DCAF6: variants seen among roughly 807,000 people sequenced by gnomAD.
The protein encoded by DCAF6 is DDB1- and CUL4-associated factor 6.
Under a neutral mutation model 125.1 loss-of-function variants are expected in DCAF6, and 54 were observed. The ratio of observed to expected loss-of-function variants is 0.43; its 90% CI spans 0.35 to 0.54. The LOEUF (loss-of-function observed/expected upper bound fraction) is 0.54, where lower values mean the gene tolerates loss of function less well. DCAF6 is among the 20% of genes least tolerant of loss of function. The pLI, the probability that DCAF6 is intolerant of heterozygous loss-of-function variation, is 0.01. For synonymous variants in DCAF6, 371 were observed against 390.4 expected (o/e 0.95, Z 0.58); for missense variants, 934 against 1,161.7 (o/e 0.80, Z 2.85).
At position 167,987,219 on chromosome 1, in the gene DCAF6, T is replaced by G. The variant is rs111359998; in HGVS notation, c.439-276T>G. ...CTAGGGGAGAATCATTCTTCCCTAG[T>G]TGTTAGAAGTTTATAACTTCAGATA... On this transcript the variant is annotated intron_variant, in intron 4 of 21. Transcript: ENST00000367840. 7.3e-3 allele frequency among the ~76,000 whole-genome samples: 1,105 copies of G among 152,266 alleles called. 44 individuals are homozygous for G. The highest frequency in any genetic ancestry group is 0.048 in the Admixed American group (740 of 15,294).
intron 3 of DCAF6, among the ~76,000 whole-genome samples, chr1:167,971,250 C>G (rs1330604081): frequency 6.6e-6 from 1 of 152,168 alleles, no homozygotes; most frequent in Non-Finnish European, 1.5e-5. Flanking sequence ...ACTCCTTCAT[C>G]TGTGTTCCTG....
In DCAF6 at chr1:167,938,754, T is replaced by C. The variant is rs1007708254; in HGVS notation, c.97+1746T>C. ...AGTACTTGTATATAGTTCTATATTT[T>C]AGTGTTTTCTTTTGGTTCAGTTACT... On this transcript the variant is annotated intron_variant, in intron 1 of 21. Transcript: ENST00000367840. Among the ~76,000 whole-genome samples, 5 of 152,228 alleles carry C rather than the reference T, an allele frequency of 3.3e-5. No individual in the cohort carries two copies. The East Asian group carries it at 7.7e-4, about 23-fold the overall frequency.
the DCAF6 span, chr1:167,870,503 T>C: frequency 0.023 from 26,758 of 1,176,820 alleles, 437 homozygotes; most frequent in East Asian, 0.082. Flanking sequence ...CTTCTAAAAA[T>C]ATCCTTGGGC....
At chr1:167,896,451 G>T in the DCAF6 span, 1 of 750,206 alleles carries the variant, frequency 1.3e-6, no homozygotes. Flanking sequence ...CCGGAGAATG[G>T]GAAGTAGGTC....
intron 7 of DCAF6, 73 bp from the exon 8 acceptor site, chr1:168,002,409 T>C: frequency 7.7e-7 from 1 of 1,304,282 alleles, no homozygotes; most frequent in Non-Finnish European, 1.1e-6. Context: ...TAAATAGACA[T>C]AAAGTATGCT....
At chr1:167,988,300 A>G (rs1282255001) in intron 5 of DCAF6, among the ~76,000 whole-genome samples, 6 of 152,004 alleles carry the variant, frequency 3.9e-5, no homozygotes, top group Non-Finnish European at 8.8e-5. Context: ...AGCTGGGACT[A>G]CGGGTGTGTG....
intron 2 of DCAF6, among the ~76,000 whole-genome samples, chr1:167,962,131 A>G (rs1354544111): frequency 1.3e-5 from 2 of 152,076 alleles, no homozygotes; most frequent in East Asian, 3.9e-4. Context: ...GTCTTGGTAA[A>G]TGTTTCATGT....
At chr1:168,014,305 C>CT (rs1406289848) in intron 10 of DCAF6, among the ~76,000 whole-genome samples, 2 of 152,184 alleles carry the variant, frequency 1.3e-5, no homozygotes, top group Non-Finnish European at 1.5e-5. Flanking sequence ...TTTCACACAA[C>CT]TGCTTACTCC....
chr1:168,066,790 A>T (rs1692399529), intron 20 of DCAF6, among the ~76,000 whole-genome samples: 1 of 152,258 alleles, frequency 6.6e-6, no homozygotes, highest in Non-Finnish European at 1.5e-5. Flanking sequence ...TTAAGAAAAT[A>T]ATTTTATTAT....
the DCAF6 span, among the ~76,000 whole-genome samples, chr1:167,914,934 T>C: frequency 1.3e-5 from 2 of 152,234 alleles, no homozygotes; most frequent in African/African-American, 4.8e-5. Context: ...ATTATGTTCA[T>C]TGAGTGAATT....
At chr1:168,038,300 T>C (rs1273935192) in intron 12 of DCAF6, 71 bp from the exon 13 acceptor site, 2 of 1,150,702 alleles carry the variant, frequency 1.7e-6, no homozygotes, top group South Asian at 1.3e-5. Flanking sequence ...ATAAGTTTTA[T>C]AAATTTTAGG....
At chr1:167,947,474 A>G (rs1404857975) in intron 1 of DCAF6, among the ~76,000 whole-genome samples, 1 of 150,480 alleles carries the variant, frequency 6.6e-6, no homozygotes, top group African/African-American at 2.4e-5. Context: ...ATTAACTTGT[A>G]ATCTTTCTCC....
chr1:167,936,050 G>A (rs1671167626), upstream of DCAF6: 2 of 593,060 alleles, frequency 3.4e-6, no homozygotes, highest in Admixed American at 3.0e-5. Flanking sequence ...GGAGGCTGCC[G>A]ACTGCCAGCC....
chr1:168,007,072 T>G (rs1412219438), intron 10 of DCAF6, among the ~76,000 whole-genome samples: 1 of 152,182 alleles, frequency 6.6e-6, no homozygotes, highest in African/African-American at 2.4e-5. Context: ...AATACTTCCC[T>G]TCATCCCCGC....
the DCAF6 span, among the ~76,000 whole-genome samples, chr1:167,883,837 A>T: frequency 6.6e-6 from 1 of 152,118 alleles, no homozygotes; most frequent in Non-Finnish European, 1.5e-5. Flanking sequence ...GCATGTGCTA[A>T]TTTTTGGCCA....
chr1:167,925,980 C>T, the DCAF6 span, among the ~76,000 whole-genome samples: 1 of 152,152 alleles, frequency 6.6e-6, no homozygotes, highest in Non-Finnish European at 1.5e-5. Flanking sequence ...ATCCTAAAGT[C>T]CTACAGCAAT....
the DCAF6 span, among the ~76,000 whole-genome samples, chr1:167,929,709 G>T: frequency 6.6e-6 from 1 of 152,122 alleles, no homozygotes; most frequent in African/African-American, 2.4e-5. Flanking sequence ...TCGTATATAT[G>T]ATTCCCTCCC....
chr1:168,012,908 TCAC>T (rs927047511), intron 10 of DCAF6, among the ~76,000 whole-genome samples: 28 of 152,304 alleles, frequency 1.8e-4, no homozygotes, highest in African/African-American at 6.3e-4. Context: ...GTTTGCCACT[TCAC>T]CAAGTGGGTT....
At chr1:168,043,384 A>G (rs1688788537) in intron 14 of DCAF6, among the ~76,000 whole-genome samples, 2 of 152,162 alleles carry the variant, frequency 1.3e-5, no homozygotes, top group South Asian at 2.1e-4. Flanking sequence ...GTTGTTCATC[A>G]TACTATAAAT....
Sources: gnomAD v4.1 joint callset for allele counts (sites outside exome capture counted in the v4.1 genomes callset) on GRCh38, gnomAD v4.1.1 for gene constraint, MANE v1.5 for transcripts, NCBI Gene and HGNC (gene_info 2026-07-23, HGNC 2026-07-21) for gene names.